The following C9orf43 variants were observed in gnomAD, a reference collection of about 807,000 sequenced individuals.
The protein encoded by C9orf43 is uncharacterized protein C9orf43.
C9orf43 carries 45 observed loss-of-function variants against 59.1 expected under a neutral mutation model. The ratio of observed to expected loss-of-function variants is 0.76; its 90% CI spans 0.60 to 0.98. The LOEUF is 0.98. Among genes scored for constraint, C9orf43 ranks in the 50% least tolerant of loss-of-function variants. The pLI is 0.00. For missense variants in C9orf43, 533 were observed against 554.9 expected (o/e 0.96, Z 0.40); for synonymous variants, 203 against 196.8 (o/e 1.03, Z -0.26).
chr9:113,426,850 T>C (rs1828810117), intron 11 of C9orf43, among the ~76,000 whole-genome samples: 1 of 152,218 alleles, frequency 6.6e-6, no homozygotes, highest in African/African-American at 2.4e-5. Flanking sequence ...AGCAGTGGCC[T>C]GTCCTCACTG....
In C9orf43 at chr9:113,429,578, C is replaced by G. The variant is rs1405032811; in HGVS notation, c.*192C>G. 5.6e-6 allele frequency: 3 copies of G among 532,742 alleles called. No homozygotes were observed. The highest frequency in any genetic ancestry group is 3.4e-5 in the Admixed American group (1 of 29,046). The allele number at this position is 532,742 out of a possible 1,614,324, so 33.0% of individuals were successfully genotyped here. On this transcript the variant is annotated 3_prime_UTR_variant, in exon 14 of 14. Transcript: ENST00000374165. ...ATTTTCTTTGTTCACCTCTACTTGC[C>G]TCTAAAATAAATGTAGGAGAAAAAT...
chr9:113,418,540 C>T (rs963374938), intron 3 of C9orf43, among the ~76,000 whole-genome samples: 1 of 152,096 alleles, frequency 6.6e-6, no homozygotes, highest in Non-Finnish European at 1.5e-5. Context: ...AAGAGATTAA[C>T]AACAATAAGA....
At position 113,429,341 on chromosome 9, in the gene C9orf43, C is replaced by T. The variant is rs201837409; in HGVS notation, c.1341C>T (p.Asp447=). The T allele has an allele frequency of 6.2e-7, 1 of 1,614,144 alleles. No homozygotes were observed. The highest frequency in any genetic ancestry group is 2.2e-5 in the East Asian group (1 of 44,880). ...TCAAACTACTTAGGATTCTTCAGGA[C>T]ACTGATGATGAGGATGAGGAGGACC... ...SELKLLRILQ[D]TDDEDEEDQS... The change falls in exon 14 of 14, where the codon GAC becomes GAT. Residue 447 remains aspartate (D), a synonymous_variant. Transcript: ENST00000374165.
intron 6 of C9orf43, among the ~76,000 whole-genome samples, chr9:113,422,869 C>T (rs185018028): frequency 4.8e-4 from 73 of 152,164 alleles, no homozygotes; most frequent in Admixed American, 4.1e-3. Context: ...GAATCCCCAA[C>T]GTGATCATAT....
At position 113,423,314 on chromosome 9, in the gene C9orf43, T is replaced by C. The variant is rs755504266; in HGVS notation, c.484-12T>C. 2 of 1,612,372 alleles carry C rather than the reference T, an allele frequency of 1.2e-6. No individual in the cohort carries two copies. The highest frequency in any genetic ancestry group is 1.7e-6 in the Non-Finnish European group (2 of 1,178,638). On this transcript the variant is annotated splice_polypyrimidine_tract_variant and intron_variant, in intron 6 of 13. Coordinates refer to ENST00000374165, the MANE Select transcript of C9orf43 (RefSeq NM_001278629.2). Reference sequence around the variant, plus strand: ...ATGCTTTGGAGAATTCTTTCCATTGTTTCTCTTCCAGAAAAGCAAGTCATT... The same window carrying C: ...ATGCTTTGGAGAATTCTTTCCATTGCTTCTCTTCCAGAAAAGCAAGTCATT...
At chr9:113,411,996 C>T (rs1828181722) in intron 1 of C9orf43, among the ~76,000 whole-genome samples, 1 of 152,086 alleles carries the variant, frequency 6.6e-6, no homozygotes, top group Non-Finnish European at 1.5e-5. Context: ...ATTAATGCTG[C>T]TTTTTTTTCC....
chr9:113,425,205 G>C, intron 9 of C9orf43, 129 bp downstream of exon 9: 1 of 1,463,506 alleles, frequency 6.8e-7, no homozygotes, highest in Non-Finnish European at 9.5e-7. Context: ...TAGAACTCAG[G>C]AAACAATAGT....
At chr9:113,422,502 C>A (rs1403321800) in intron 5 of C9orf43, 47 bp from the exon 6 acceptor site, 53 of 1,607,574 alleles carry the variant, frequency 3.3e-5, no homozygotes, top group Non-Finnish European at 4.3e-5. Flanking sequence ...TATTTCAAGT[C>A]CAGCTGAGAA....
Position 113,423,402 on chromosome 9 carries a change from C to A in C9orf43, c.560C>A (p.Pro187His), listed in dbSNP as rs373965001. Residue 187 changes from proline (P) to histidine (H), a missense_variant, in exon 7 of 14, where the codon CCT (proline) becomes CAT (histidine). Pro to His is a moderately conservative substitution (Grantham distance 77, BLOSUM62 -2). Transcript: ENST00000374165. ...GTAGGAACACCAGGGATGATCGTGC[C>A]TCCCCCAACCCCAGTGCAATTGTCT... is the stretch of plus-strand genomic sequence containing the variant. ...TRVGTPGMIV[P>H]PPTPVQLSEQ... is the part of the protein sequence containing the mutation. The A allele has an allele frequency of 1.2e-5, 19 of 1,613,980 alleles. No individual in the cohort carries two copies. The highest frequency in any genetic ancestry group is 1.5e-5 in the Non-Finnish European group (18 of 1,179,972).
intron 3 of C9orf43, among the ~76,000 whole-genome samples, chr9:113,417,968 T>TATTC (rs767593376): frequency 1.1e-4 from 16 of 152,196 alleles, no homozygotes; most frequent in Admixed American, 2.6e-4. Flanking sequence ...CCCTTTACAT[T>TATTC]ATTCATTCAT....
rs1419694043 is a variant in C9orf43, at chr9:113,413,830, A to G, written c.223A>G (p.Thr75Ala). The G allele has an allele frequency of 6.2e-7, 1 of 1,613,910 alleles. No homozygotes were observed. Among genetic ancestry groups the G allele is most frequent in the Admixed American group, 1.7e-5 (1 of 60,022 alleles). Residue 75 changes from threonine to alanine, a missense_variant, in exon 3 of 14, where the codon ACC becomes GCC. Coordinates refer to ENST00000374165, the MANE Select transcript of C9orf43 (RefSeq NM_001278629.2). ...GFAAHHLPEC[T>A]FTKAHSLLSQ... is the part of the protein sequence containing the mutation. ...TGCAGCTCATCATTTACCAGAATGTACCTTTACTAAGGCCCATTCTTTATT... is the reference window on the plus strand; with the variant it reads ...TGCAGCTCATCATTTACCAGAATGTGCCTTTACTAAGGCCCATTCTTTATT...
At chr9:113,424,891 A>C in intron 8 of C9orf43, 128 bp from the exon 9 acceptor site, 3 of 748,870 alleles carry the variant, frequency 4.0e-6, no homozygotes, top group Non-Finnish European at 6.6e-6. Context: ...CCCCTGGTAC[A>C]ATGCTGCAAA....
rs1378636113 is a variant in C9orf43 at position 113,425,351 on chromosome 9, G to A, written c.873G>A (p.Arg291=). Residue 291 remains arginine (R), a synonymous_variant, in exon 10 of 14, where the codon AGG becomes AGA. Coordinates refer to ENST00000374165, the MANE Select transcript of C9orf43 (RefSeq NM_001278629.2). The part of the protein sequence containing the change: ...KLHNLKTEGY[R]KQQQRQQQQQ... ...TGGCTCTCTGGTCACCAGGTTACAGGAAACAGCAGCAGCGGCAGCAGCAGC... is the reference window on the plus strand; with the variant it reads ...TGGCTCTCTGGTCACCAGGTTACAGAAAACAGCAGCAGCGGCAGCAGCAGC... 9 of 1,613,758 alleles carry A rather than the reference G, an allele frequency of 5.6e-6. No individual in the cohort carries two copies. The East Asian group carries it at 1.8e-4, about 32-fold the overall frequency.
At chr9:113,423,217 C>G in intron 6 of C9orf43, 109 bp from the exon 7 acceptor site, 7 of 1,076,554 alleles carry the variant, frequency 6.5e-6, no homozygotes, top group Non-Finnish European at 9.3e-6. Flanking sequence ...GAGGAGGCAA[C>G]CATGGCTGGA....
chr9:113,411,274 C>A, intron 1 of C9orf43: 2 of 313,124 alleles, frequency 6.4e-6, no homozygotes, highest in Non-Finnish European at 9.3e-6. Flanking sequence ...CCAGTTAAAA[C>A]CATTCTCAAG....
intron 11 of C9orf43, 129 bp from the exon 12 acceptor site, chr9:113,428,018 T>C (rs1828853778): frequency 1.2e-6 from 1 of 814,792 alleles, no homozygotes; most frequent in South Asian, 1.5e-5. Context: ...AACTACCTTT[T>C]ACCTGCCATC....
chr9:113,422,624 C>CTATG, intron 6 of C9orf43, 39 bp downstream of exon 6: 1 of 1,608,322 alleles, frequency 6.2e-7, no homozygotes, highest in Non-Finnish European at 8.5e-7. Flanking sequence ...TATAATATTG[C>CTATG]TATGTAGAGT....
At chr9:113,415,260 C>T (rs1448249350) in intron 3 of C9orf43, among the ~76,000 whole-genome samples, 1 of 152,112 alleles carries the variant, frequency 6.6e-6, no homozygotes, top group African/African-American at 2.4e-5. Context: ...TCTCTAGCCT[C>T]AGCCTCTCAA....
chr9:113,410,901 T>C lies in C9orf43; in HGVS notation c.-150T>C. ...CCGTCGTGATCAGATTCTCCCACTTTCTTTTTTCTTTCCTGGAATGGAGTG... is the reference window on the plus strand; with the variant it reads ...CCGTCGTGATCAGATTCTCCCACTTCCTTTTTTCTTTCCTGGAATGGAGTG... On this transcript the variant is annotated 5_prime_UTR_variant, in exon 1 of 14. Transcript: ENST00000374165. 2 of 977,488 alleles carry C rather than the reference T, an allele frequency of 2.0e-6. No homozygotes were observed. The highest frequency in any genetic ancestry group is 1.7e-5 in the African/African-American group (1 of 57,198). The allele number at this position is 977,488 out of a possible 1,614,324, so 60.6% of individuals were successfully genotyped here.
Sources: gnomAD v4.1 joint callset for allele counts (sites outside exome capture counted in the v4.1 genomes callset) on GRCh38, gnomAD v4.1.1 for gene constraint, MANE v1.5 for transcripts, NCBI Gene and HGNC (gene_info 2026-07-23, HGNC 2026-07-21) for gene names.